The following ADAMTS12 variants were observed in gnomAD, a reference collection of about 807,000 sequenced individuals.
ADAMTS12 encodes the protein ADAM metallopeptidase with thrombospondin type 1 motif 12, also known as A disintegrin and metalloproteinase with thrombospondin motifs 12.
A neutral mutation model predicts 167.8 loss-of-function variants in ADAMTS12; 118 were observed. The ratio of observed to expected loss-of-function variants is 0.70; its 90% confidence interval spans 0.61 to 0.82. The LOEUF (loss-of-function observed/expected upper bound fraction) is 0.82. Among genes scored for constraint, ADAMTS12 ranks in the 40% least tolerant of loss-of-function variants. ADAMTS12 has a pLI of 0.00. For missense variants in ADAMTS12, 1,916 were observed against 1,998.8 expected, an observed-to-expected ratio of 0.96 and a Z score of 0.79; for synonymous variants, 704 against 716.9, an observed-to-expected ratio of 0.98 and a Z score of 0.29.
chr5:33,614,405 AC>A, intron 15 of ADAMTS12, 29 bp from the exon 16 acceptor site: 1 of 1,611,138 alleles, frequency 6.2e-7, no homozygotes, highest in Non-Finnish European at 8.5e-7. Context: ...GTCATGTCAA[AC>A]TGTCATGACT....
intron 12 of ADAMTS12, among the ~76,000 whole-genome samples, chr5:33,635,880 A>T (rs904290598): frequency 6.6e-6 from 1 of 152,180 alleles, no homozygotes; most frequent in Non-Finnish European, 1.5e-5. Flanking sequence ...AAATAATAGC[A>T]TAGGAATCTG....
chr5:33,730,940 A>G (rs530660226), intron 3 of ADAMTS12, among the ~76,000 whole-genome samples: 1 of 152,166 alleles, frequency 6.6e-6, no homozygotes, highest in Non-Finnish European at 1.5e-5. Flanking sequence ...CTCAGGAGTC[A>G]GACAGACCCG....
intron 20 of ADAMTS12, among the ~76,000 whole-genome samples, chr5:33,558,033 G>C (rs1226676937): frequency 1.3e-5 from 2 of 151,882 alleles, no homozygotes; most frequent in Non-Finnish European, 2.9e-5. Context: ...CAAGCTCAGG[G>C]CTCCCACTGA....
intron 2 of ADAMTS12, among the ~76,000 whole-genome samples, chr5:33,783,695 T>C (rs1746227430): frequency 6.6e-6 from 1 of 151,774 alleles, no homozygotes; most frequent in Admixed American, 6.6e-5. Flanking sequence ...TGTAACAGGT[T>C]AAAAAACCAA....
chr5:33,612,095 C>T (rs1475651533), intron 16 of ADAMTS12, among the ~76,000 whole-genome samples: 1 of 152,226 alleles, frequency 6.6e-6, no homozygotes, highest in East Asian at 1.9e-4. Flanking sequence ...TGAATAATAG[C>T]ATTTCATTCT....
At chr5:33,757,910 C>T (rs943261457) in intron 2 of ADAMTS12, among the ~76,000 whole-genome samples, 13 of 152,110 alleles carry the variant, frequency 8.5e-5, no homozygotes, top group East Asian at 5.8e-4. Flanking sequence ...ATCATAGCAT[C>T]GTCTACCGCA....
chr5:33,884,311 G>A (rs763690674), intron 1 of ADAMTS12, among the ~76,000 whole-genome samples: 1 of 152,116 alleles, frequency 6.6e-6, no homozygotes, highest in Non-Finnish European at 1.5e-5. Flanking sequence ...ACATCTTGTT[G>A]CCTTCCATGA....
chr5:33,703,540 C>A (rs765414992), intron 3 of ADAMTS12, among the ~76,000 whole-genome samples: 1 of 152,140 alleles, frequency 6.6e-6, no homozygotes, highest in Non-Finnish European at 1.5e-5. Context: ...CACTCTTTGA[C>A]TAACACCTCC....
intron 2 of ADAMTS12, among the ~76,000 whole-genome samples, chr5:33,810,427 T>A (rs1295046712): frequency 6.6e-6 from 1 of 152,206 alleles, no homozygotes; most frequent in Non-Finnish European, 1.5e-5. Context: ...CCAATTGCAG[T>A]AAATCCATGC....
intron 3 of ADAMTS12, among the ~76,000 whole-genome samples, chr5:33,712,010 G>A (rs1743419743): frequency 6.6e-6 from 1 of 152,102 alleles, no homozygotes; most frequent in Non-Finnish European, 1.5e-5. Flanking sequence ...AGCCAAATTA[G>A]TACCATCTCT....
At position 33,549,342 on chromosome 5, in the gene ADAMTS12, A is replaced by C; in HGVS notation, c.4167T>G (p.Ile1389Met). The C allele has an allele frequency of 6.2e-7, 1 of 1,614,122 alleles. No homozygotes were observed. Among genetic ancestry groups the C allele is most frequent in the Non-Finnish European group, 8.5e-7 (1 of 1,179,990 alleles). Residue 1389 changes from isoleucine (I) to methionine (M), a missense_variant, in exon 21 of 24, where the codon ATT becomes ATG. Ile to Met is a conservative substitution (Grantham distance 10). Transcript: ENST00000504830. ...GGTGGTCCCGGCTGTCCACGCACTG[A>C]ATCTCGCGTATCTTGAAGCCCCCAC... ...NCSGGFKIRE[I>M]QCVDSRDHRN...
intron 2 of ADAMTS12, among the ~76,000 whole-genome samples, chr5:33,842,259 T>G (rs1037282010): frequency 1.3e-5 from 2 of 152,238 alleles, no homozygotes; most frequent in African/African-American, 4.8e-5. Context: ...GAAATGTGCT[T>G]TCTTCATGCC....
chr5:33,676,049 C>T, intron 5 of ADAMTS12, among the ~76,000 whole-genome samples: 1 of 152,110 alleles, frequency 6.6e-6, no homozygotes, highest in East Asian at 1.9e-4. Context: ...AAATAGATTC[C>T]TCTTTTTGTT....
chr5:33,638,618 A>AT (rs1186400938), intron 11 of ADAMTS12, among the ~76,000 whole-genome samples: 2 of 151,964 alleles, frequency 1.3e-5, no homozygotes, highest in Admixed American at 6.6e-5. Flanking sequence ...ACCAGCAGTA[A>AT]TTTTTTTCTC....
At chr5:33,625,904 A>G (rs976522389) in intron 13 of ADAMTS12, among the ~76,000 whole-genome samples, 4 of 152,226 alleles carry the variant, frequency 2.6e-5, no homozygotes, top group Admixed American at 2.0e-4. Context: ...AGGAGCTCTC[A>G]GGGGAAAAGA....
rs190236391 is a variant in ADAMTS12 at position 33,631,170 on chromosome 5, T to C, written c.1889-257A>G. ...TAAAAGGTTGCTTTAAAATACTCTA[T>C]GCTTTGCTGTAAACAATGACTTCTT... On this transcript the variant is annotated intron_variant, in intron 12 of 23. Coordinates refer to ENST00000504830, the MANE Select transcript of ADAMTS12 (RefSeq NM_030955.4). Among the ~76,000 whole-genome samples the C allele has an allele frequency of 5.3e-5, 8 of 152,350 alleles. No homozygotes were observed. The East Asian group carries it at 1.3e-3, about 26-fold the overall frequency.
intron 3 of ADAMTS12, among the ~76,000 whole-genome samples, chr5:33,708,221 G>T (rs940133764): frequency 6.6e-6 from 1 of 152,192 alleles, no homozygotes; most frequent in Non-Finnish European, 1.5e-5. Flanking sequence ...GGTCTTTAGA[G>T]AAATGCAAAT....
rs141097557 is a variant in ADAMTS12 at position 33,753,935 on chromosome 5, C to A, written c.490-2387G>T. Among the ~76,000 whole-genome samples, 17 of 152,264 alleles carry A rather than the reference C, an allele frequency of 1.1e-4. No homozygotes were observed. The East Asian group carries it at 1.4e-3, about 12-fold the overall frequency. The stretch of plus-strand genomic sequence containing the variant: ...AGAGATCTGCTGACATGCAAGTAGG[C>A]TGCTGGTCCCAGGATCTCGTGTGTT... On this transcript the variant is annotated intron_variant, in intron 2 of 23. Coordinates refer to ENST00000504830, the MANE Select transcript of ADAMTS12 (RefSeq NM_030955.4).
chr5:33,647,409 C>T (rs1254717190), intron 9 of ADAMTS12, among the ~76,000 whole-genome samples: 1 of 152,064 alleles, frequency 6.6e-6, no homozygotes, highest in Non-Finnish European at 1.5e-5. Context: ...CAGGGAACTG[C>T]TATAGTCATC....
Sources: gnomAD v4.1 joint callset for allele counts (sites outside exome capture counted in the v4.1 genomes callset) on GRCh38, gnomAD v4.1.1 for gene constraint, MANE v1.5 for transcripts, NCBI Gene and HGNC (gene_info 2026-07-23, HGNC 2026-07-21) for gene names.